TLCD4: variants seen among roughly 807,000 people sequenced by gnomAD.
TLCD4 encodes the protein TLC domain containing 4, also known as TLC domain-containing protein 4.
Under a neutral mutation model 24.2 loss-of-function variants are expected in TLCD4, and 7 were observed. That is an observed-to-expected ratio of 0.29 (90% confidence interval 0.16 to 0.54). The LOEUF (loss-of-function observed/expected upper bound fraction) is 0.54, where lower values mean the gene tolerates loss of function less well. TLCD4 is among the 20% of genes least tolerant of loss of function. The pLI, the probability that TLCD4 is intolerant of heterozygous loss-of-function variation, is 0.95. For synonymous variants in TLCD4, 103 were observed against 106.4 expected, an observed-to-expected ratio of 0.97 and a Z score of 0.20; for missense variants, 259 against 313.9, an observed-to-expected ratio of 0.82 and a Z score of 1.32.
chr1:95,095,328 CT>C, the TLCD4 span, among the ~76,000 whole-genome samples: 4 of 152,146 alleles, frequency 2.6e-5, no homozygotes, highest in African/African-American at 9.7e-5. Flanking sequence ...GACTTTCTAC[CT>C]TCATATGTCA....
At chr1:95,101,198 T>G in the TLCD4 span, among the ~76,000 whole-genome samples, 5 of 152,100 alleles carry the variant, frequency 3.3e-5, no homozygotes, top group Non-Finnish European at 7.4e-5. Flanking sequence ...TGAGCCACCG[T>G]GCCTGGCCTA....
chr1:95,108,130 T>G, the TLCD4 span, among the ~76,000 whole-genome samples: 1 of 152,160 alleles, frequency 6.6e-6, no homozygotes, highest in African/African-American at 2.4e-5. Context: ...TTTTCTTCTT[T>G]GATATATAAG....
chr1:95,149,854 T>C (rs1014894541), intron 3 of TLCD4, among the ~76,000 whole-genome samples: 1 of 152,222 alleles, frequency 6.6e-6, no homozygotes, highest in South Asian at 2.1e-4. Context: ...TTCCTGGTTA[T>C]ATTTACAGAT....
intron 5 of TLCD4, among the ~76,000 whole-genome samples, chr1:95,171,098 A>C (rs1203110027): frequency 6.6e-6 from 1 of 152,020 alleles, no homozygotes; most frequent in Non-Finnish European, 1.5e-5. Flanking sequence ...TATGTATTAA[A>C]ATGAATTATT....
At chr1:95,108,830 C>G in the TLCD4 span, among the ~76,000 whole-genome samples, 3 of 152,156 alleles carry the variant, frequency 2.0e-5, no homozygotes, top group East Asian at 3.8e-4. Flanking sequence ...ATTAGCCTAT[C>G]TATTCCATTG....
chr1:95,151,481 G>A, intron 5 of TLCD4, 62 bp downstream of exon 5: 1 of 1,559,158 alleles, frequency 6.4e-7, no homozygotes, highest in East Asian at 2.3e-5. Flanking sequence ...TGATGTAAAG[G>A]TGAACATAAA....
At chr1:95,184,996 A>T (rs1191464848) in intron 6 of TLCD4, among the ~76,000 whole-genome samples, 1 of 152,064 alleles carries the variant, frequency 6.6e-6, no homozygotes, top group African/African-American at 2.4e-5. Flanking sequence ...CACTATGGTT[A>T]TGAGGAAGCT....
At position 95,192,069 on chromosome 1, in the gene TLCD4, G is replaced by A. The variant is rs1047363962; in HGVS notation, c.*201G>A. The A allele has an allele frequency of 8.0e-7, 1 of 1,245,584 alleles. No homozygotes were observed. The highest frequency in any genetic ancestry group is 1.5e-5 in the African/African-American group (1 of 65,446). 77.2% of individuals were successfully genotyped at this position (1,245,584 alleles called of 1,614,324 possible). On this transcript the variant is annotated 3_prime_UTR_variant, in exon 7 of 7. Coordinates refer to ENST00000370203, the MANE Select transcript of TLCD4 (RefSeq NM_152487.3). ...CCCAGCACTTTGGGAGGCCAAGGTG[G>A]GTCGATCACTGAGGTCAGGAGTTCG... is the stretch of plus-strand genomic sequence containing the variant.
chr1:95,126,175 C>T (rs1676728815), intron 1 of TLCD4, among the ~76,000 whole-genome samples: 2 of 151,818 alleles, frequency 1.3e-5, no homozygotes, highest in South Asian at 4.2e-4. Context: ...GCCTCTAATC[C>T]CAGCACTTTG....
chr1:95,172,954 G>C (rs1165965797), intron 5 of TLCD4, among the ~76,000 whole-genome samples: 2 of 152,090 alleles, frequency 1.3e-5, no homozygotes, highest in Non-Finnish European at 2.9e-5. Context: ...TTTTTAGAAT[G>C]TATACTTTTG....
intron 3 of TLCD4, among the ~76,000 whole-genome samples, chr1:95,149,051 T>C (rs1041683203): frequency 6.6e-6 from 1 of 152,210 alleles, no homozygotes; most frequent in African/African-American, 2.4e-5. Flanking sequence ...ATTTTTACTG[T>C]GTTAATGAGT....
intron 1 of TLCD4, among the ~76,000 whole-genome samples, chr1:95,121,418 C>T (rs1676566268): frequency 6.6e-6 from 1 of 152,204 alleles, no homozygotes; most frequent in African/African-American, 2.4e-5. Flanking sequence ...ACCCCATTTG[C>T]TGATCAAACT....
At chr1:95,105,037 A>AT in the TLCD4 span, among the ~76,000 whole-genome samples, 1 of 152,198 alleles carries the variant, frequency 6.6e-6, no homozygotes, top group Non-Finnish European at 1.5e-5. Context: ...CAATAAAAAA[A>AT]AATAATACTT....
the TLCD4 span, among the ~76,000 whole-genome samples, chr1:95,105,702 T>C: frequency 6.6e-6 from 1 of 151,942 alleles, no homozygotes; most frequent in East Asian, 1.9e-4. Context: ...GAGACCATCC[T>C]GGCTAACACG....
chr1:95,122,734 A>G (rs1313027593), intron 1 of TLCD4, among the ~76,000 whole-genome samples: 2 of 152,244 alleles, frequency 1.3e-5, no homozygotes, highest in African/African-American at 2.4e-5. Context: ...AAAACTGCAC[A>G]TTGATGAGTT....
At chr1:95,107,291 T>G in the TLCD4 span, among the ~76,000 whole-genome samples, 1 of 151,912 alleles carries the variant, frequency 6.6e-6, no homozygotes, top group Non-Finnish European at 1.5e-5. Context: ...GGCGTGGTGG[T>G]GGGCGCCTGT....
At chr1:95,164,765 T>C (rs1213073490) in intron 5 of TLCD4, 3 of 152,196 alleles carry the variant, frequency 2.0e-5, no homozygotes, top group Non-Finnish European at 4.4e-5. Flanking sequence ...ATATCTACTT[T>C]GTATTCTGTA....
chr1:95,137,233 C>T (rs866393025), intron 1 of TLCD4, among the ~76,000 whole-genome samples: 8 of 151,950 alleles, frequency 5.3e-5, no homozygotes, highest in Non-Finnish European at 8.8e-5. Flanking sequence ...GATTTGAGAG[C>T]GGTGAATATT....
At chr1:95,122,116 C>T (rs757894141) in intron 1 of TLCD4, among the ~76,000 whole-genome samples, 13 of 152,270 alleles carry the variant, frequency 8.5e-5, no homozygotes, top group South Asian at 2.1e-4. Flanking sequence ...ATAATCCCAG[C>T]GTGGAGGTGG....
Sources: gnomAD v4.1 joint callset for allele counts (sites outside exome capture counted in the v4.1 genomes callset) on GRCh38, gnomAD v4.1.1 for gene constraint, MANE v1.5 for transcripts, NCBI Gene and HGNC (gene_info 2026-07-23, HGNC 2026-07-21) for gene names.